Variants in LIPG observed in about 807,000 individuals in gnomAD.
The protein encoded by LIPG is endothelial lipase.
LIPG carries 34 observed loss-of-function variants against 51.8 expected under a neutral mutation model. The ratio of observed to expected loss-of-function variants is 0.66; its 90% CI spans 0.50 to 0.87. LIPG has a LOEUF of 0.87. Ranked by LOEUF, LIPG falls within the 40% of genes least tolerant of loss-of-function variation. The pLI is 0.00. For synonymous variants in LIPG, 246 were observed against 246.1 expected, an observed-to-expected ratio of 1.00 and a Z score of 0.00; for missense variants, 580 against 652.7, an observed-to-expected ratio of 0.89 and a Z score of 1.21.
In LIPG at chr18:49,575,485, A is replaced by T; in HGVS notation, c.688A>T (p.Ile230Phe). ...HTYTRSFGLS[I>F]GIQMPVGHID... ...CTACACGCGTTCCTTCGGCTTGAGC[A>T]TTGGTATTCAGATGCCTGTGGGCCA... The change falls in exon 5 of 10, where the codon ATT (isoleucine) becomes TTT (phenylalanine). Residue 230 changes from isoleucine to phenylalanine, a missense_variant. Physicochemically the swap from Ile to Phe is conservative, Grantham distance 21. Coordinates refer to ENST00000261292, the MANE Select transcript of LIPG (RefSeq NM_006033.4). 1 of 1,614,214 alleles carries T rather than the reference A, an allele frequency of 6.2e-7. No homozygotes were observed. The highest frequency in any genetic ancestry group is 8.5e-7 in the Non-Finnish European group (1 of 1,180,040).
rs565733393 is a variant in LIPG, at chr18:49,582,298, G to A, written c.1037-64G>A. On this transcript the variant is annotated intron_variant, in intron 6 of 9. Transcript: ENST00000261292. The stretch of plus-strand genomic sequence containing the variant: ...ATCTCTGTGCTGGTGACTCAGTTTG[G>A]GTCAGGGGTCTCCTGTGATGACAAG... 353 of 1,606,618 alleles carry A rather than the reference G, an allele frequency of 2.2e-4. 7 individuals carry two copies. The South Asian group carries it at 3.7e-3, about 17-fold the overall frequency.
At chr18:49,582,602 A>G (rs937491270) in intron 7 of LIPG, 120 bp downstream of exon 7, 109 of 1,329,566 alleles carry the variant, frequency 8.2e-5, no homozygotes, top group Non-Finnish European at 1.1e-4. Context: ...CCGACTGCTC[A>G]GGGAGGAGCC....
At chr18:49,579,704 G>T (rs556174604) in intron 5 of LIPG, among the ~76,000 whole-genome samples, 1 of 151,282 alleles carries the variant, frequency 6.6e-6, no homozygotes, top group African/African-American at 2.4e-5. Context: ...CCATGCAAGG[G>T]GATTTTACTC....
At position 49,584,521 on chromosome 18, in the gene LIPG, A is replaced by G. The variant is rs538665230; in HGVS notation, c.1376+747A>G. On this transcript the variant is annotated intron_variant, in intron 8 of 9. Coordinates refer to ENST00000261292, the MANE Select transcript of LIPG (RefSeq NM_006033.4). ...TAACCAAGTCCTTCAGCTGACCTCT[A>G]CAGAGGTCACTGCCAGCCTTGGCAT... Among the ~76,000 whole-genome samples, 30 of 152,304 alleles carry G rather than the reference A, an allele frequency of 2.0e-4. No homozygotes were observed. In the East Asian group the frequency reaches 5.4e-3, roughly 27 times the overall value.
intron 4 of LIPG, among the ~76,000 whole-genome samples, 194 bp downstream of exon 4, chr18:49,569,742 C>T (rs943413837): frequency 3.3e-5 from 5 of 151,828 alleles, no homozygotes; most frequent in South Asian, 2.1e-4. Flanking sequence ...CGCATAGGCC[C>T]GCAGTATATG....
At chr18:49,583,890 G>T in intron 8 of LIPG, 116 bp downstream of exon 8, 2 of 948,954 alleles carry the variant, frequency 2.1e-6, no homozygotes, top group South Asian at 1.7e-5. Flanking sequence ...CAGCATGCAG[G>T]TAAAACTTCA....
chr18:49,562,518 C>T, intron 1 of LIPG, 113 bp downstream of exon 1: 1 of 961,376 alleles, frequency 1.0e-6, no homozygotes, highest in Non-Finnish European at 1.6e-6. Context: ...TTTCCCACTG[C>T]GCTGCCCATT....
intron 8 of LIPG, among the ~76,000 whole-genome samples, chr18:49,584,628 G>A (rs947375040): frequency 2.6e-5 from 4 of 152,072 alleles, no homozygotes; most frequent in South Asian, 2.1e-4. Flanking sequence ...GTTTACATTC[G>A]TCATCTATGA....
At chr18:49,577,804 C>A (rs2084740957) in intron 5 of LIPG, among the ~76,000 whole-genome samples, 1 of 116,622 alleles carries the variant, frequency 8.6e-6, no homozygotes, top group Non-Finnish European at 1.8e-5. Context: ...GCTGACCCCC[C>A]CACCTCCCTC....
intron 4 of LIPG, among the ~76,000 whole-genome samples, chr18:49,572,236 C>T (rs778257273): frequency 6.6e-6 from 1 of 152,176 alleles, no homozygotes; most frequent in African/African-American, 2.4e-5. Context: ...AGGAGAATCT[C>T]TTGAACCCAG....
rs2143997196 is a variant in LIPG, at chr18:49,598,761, T to G, written c.*8239T>G. On this transcript the variant is annotated 3_prime_UTR_variant, in exon 10 of 10. Coordinates refer to ENST00000261292, the MANE Select transcript of LIPG (RefSeq NM_006033.4). ...GTTTTCTTGTGCCCCTTTGTAATTC[T>G]TCCCACTGCCCTCTCCCCAGGTTGT... The G allele has an allele frequency of 6.6e-6, 1 of 152,356 alleles. No homozygotes were observed. Among genetic ancestry groups the G allele is most frequent in the South Asian group, 2.1e-4 (1 of 4,828 alleles). The allele number at this position is 152,356 out of a possible 1,614,324, so 9.4% of individuals were successfully genotyped here.
chr18:49,567,870 G>C, intron 3 of LIPG: 1 of 476,762 alleles, frequency 2.1e-6, no homozygotes, highest in Non-Finnish European at 3.7e-6. Context: ...TGGCCTTATG[G>C]GTTGTTTCTT....
At chr18:49,575,140 A>G (rs1379933352) in intron 4 of LIPG, among the ~76,000 whole-genome samples, 1 of 152,194 alleles carries the variant, frequency 6.6e-6, no homozygotes, top group Non-Finnish European at 1.5e-5. Flanking sequence ...GCTTCAGAAG[A>G]AAGTATAAAT....
chr18:49,570,888 G>T (rs1053415709), intron 4 of LIPG, among the ~76,000 whole-genome samples: 1 of 152,166 alleles, frequency 6.6e-6, no homozygotes, highest in Non-Finnish European at 1.5e-5. Context: ...ATTTGGTAAA[G>T]GTAGAATTTC....
Position 49,562,411 on chromosome 18 carries a change from G to A in LIPG, c.97+6G>A. ...TCCAGAGGGACGGCTGGAAGGTAAC[G>A]TGAATTTGTTTTTATTCCCCCCAGC... is the stretch of plus-strand genomic sequence containing the variant. On this transcript the variant is annotated splice_donor_region_variant and intron_variant, in intron 1 of 9. Coordinates refer to ENST00000261292, the MANE Select transcript of LIPG (RefSeq NM_006033.4). 1 of 1,613,148 alleles carries A rather than the reference G, an allele frequency of 6.2e-7. No individual in the cohort carries two copies. Among genetic ancestry groups the A allele is most frequent in the East Asian group, 2.2e-5 (1 of 44,872 alleles).
chr18:49,575,609 G>C lies in LIPG; in HGVS notation c.793+19G>C. On this transcript the variant is annotated intron_variant, in intron 5 of 9. Coordinates refer to ENST00000261292, the MANE Select transcript of LIPG (RefSeq NM_006033.4). ...TATGGAAGTGAGTTCCCTCTTTTCT[G>C]CTTTGTGTTTGACTCAGTTTATTCC... is the stretch of plus-strand genomic sequence containing the variant. The C allele has an allele frequency of 6.2e-7, 1 of 1,604,392 alleles. No homozygotes were observed. The highest frequency in any genetic ancestry group is 2.2e-5 in the East Asian group (1 of 44,838).
chr18:49,579,832 TGATGGAGTTTCA>T (rs2084799903), intron 5 of LIPG, among the ~76,000 whole-genome samples: 3 of 145,666 alleles, frequency 2.1e-5, no homozygotes, highest in South Asian at 2.2e-4. Context: ...ACTTTACTTT[TGATGGAGTTTCA>T]CTCTTGTTCC....
chr18:49,593,825 G>T lies in LIPG; in HGVS notation c.*3303G>T, dbSNP rs1244237560. Reference sequence around the variant, plus strand: ...GCTGGGAAATACAGTCTTTATTTAGGGTGCCCATGGGCCCTGCTGAAGATC... The same window carrying T: ...GCTGGGAAATACAGTCTTTATTTAGTGTGCCCATGGGCCCTGCTGAAGATC... On this transcript the variant is annotated 3_prime_UTR_variant, in exon 10 of 10. Transcript: ENST00000261292. The T allele has an allele frequency of 6.6e-6, 1 of 152,106 alleles. No homozygotes were observed. Among genetic ancestry groups the T allele is most frequent in the Non-Finnish European group, 1.5e-5 (1 of 68,016 alleles). The allele number at this position is 152,106 out of a possible 1,614,324, so 9.4% of individuals were successfully genotyped here. A position where few individuals can be genotyped will look rare whatever the true frequency, so the allele number is the denominator to read the frequency against.
At chr18:49,576,303 T>C (rs1197113931) in intron 5 of LIPG, among the ~76,000 whole-genome samples, 1 of 152,150 alleles carries the variant, frequency 6.6e-6, no homozygotes, top group East Asian at 1.9e-4. Flanking sequence ...TAGTCTTTTT[T>C]CTTTGCAAAT....
Sources: allele counts gnomAD v4.1 joint callset (sites outside exome capture counted in the v4.1 genomes callset), GRCh38; gene constraint gnomAD v4.1.1; transcripts MANE v1.5; gene names NCBI Gene and HGNC (gene_info 2026-07-23, HGNC 2026-07-21).